Variants in SCUBE1 observed in about 807,000 individuals in gnomAD.
The protein encoded by SCUBE1 is signal peptide, CUB and EGF-like domain-containing protein 1.
SCUBE1 carries 59 observed loss-of-function variants against 124.4 expected under a neutral mutation model. The observed-to-expected ratio is 0.47, with a 90% CI of 0.38 to 0.59. The LOEUF (loss-of-function observed/expected upper bound fraction) is 0.59, where lower values mean the gene tolerates loss of function less well. Among genes scored for constraint, SCUBE1 ranks in the 20% least tolerant of loss-of-function variants. SCUBE1 has a pLI of 0.00. For missense variants in SCUBE1, 1,150 were observed against 1,371.2 expected (o/e 0.84, Z 2.55); for synonymous variants, 545 against 550.9 (o/e 0.99, Z 0.15).
chr22:43,258,034 C>T lies in SCUBE1; in HGVS notation c.727+185G>A, dbSNP rs1923727082. 6.6e-6 allele frequency among the ~76,000 whole-genome samples: 1 copy of T among 152,166 alleles called. No homozygotes were observed. The highest frequency in any genetic ancestry group is 1.9e-4 in the East Asian group (1 of 5,162). On this transcript the variant is annotated intron_variant, in intron 6 of 21. Coordinates refer to ENST00000360835, the MANE Select transcript of SCUBE1 (RefSeq NM_173050.5). The surrounding 1 kb of genome is among the most constrained non-coding windows in gnomAD (Gnocchi z 5.0). Reference sequence around the variant, plus strand: ...GGGGCTGCAGGCCCCAGAGAAGCCTCCCCAGAAAGCCTCCCCAGGGGCGCC... The same window carrying T: ...GGGGCTGCAGGCCCCAGAGAAGCCTTCCCAGAAAGCCTCCCCAGGGGCGCC...
At chr22:43,214,046 C>CGGGGGGGGGGGG in intron 16 of SCUBE1, 44 bp downstream of exon 16, 6 of 422,702 alleles carry the variant, frequency 1.4e-5, no homozygotes, top group Non-Finnish European at 2.5e-5. Context: ...GAGGAGCCCC[C>CGGGGGGGGGGGG]GCCCACCCCC....
chr22:43,339,341 G>A (rs757457874), intron 1 of SCUBE1, 106 bp from the exon 2 acceptor site: 12 of 1,133,618 alleles, frequency 1.1e-5, no homozygotes, highest in East Asian at 2.5e-5. Context: ...TCCATTGATC[G>A]GTGGGCTCAT....
chr22:43,321,815 G>T (rs951858732), intron 2 of SCUBE1, among the ~76,000 whole-genome samples: 44 of 152,188 alleles, frequency 2.9e-4, no homozygotes, highest in African/African-American at 9.9e-4. Flanking sequence ...TGGGCTCAAG[G>T]GATCCTCCTG....
chr22:43,288,939 C>G (rs1244693108), intron 4 of SCUBE1, among the ~76,000 whole-genome samples: 1 of 152,280 alleles, frequency 6.6e-6, no homozygotes, highest in African/African-American at 2.4e-5. Flanking sequence ...GTAGGGGACG[C>G]TAAGGTTTGT....
At chr22:43,229,934 A>G (rs1383529207) in intron 8 of SCUBE1, among the ~76,000 whole-genome samples, 1 of 152,216 alleles carries the variant, frequency 6.6e-6, no homozygotes, top group African/African-American at 2.4e-5. Flanking sequence ...ACAGACGCCA[A>G]CCTGCCCCTC....
At chr22:43,301,664 C>A (rs2146763671) in intron 3 of SCUBE1, among the ~76,000 whole-genome samples, 1 of 152,338 alleles carries the variant, frequency 6.6e-6, no homozygotes, top group African/African-American at 2.4e-5. Context: ...GAGCACGCCC[C>A]CACCCACCTG....
intron 4 of SCUBE1, among the ~76,000 whole-genome samples, chr22:43,265,713 C>T (rs570265703): frequency 6.6e-5 from 10 of 152,326 alleles, no homozygotes; most frequent in East Asian, 3.9e-4. Context: ...CTCTGATGGA[C>T]GTGTTTATGT....
chr22:43,319,187 G>C (rs535278436), intron 3 of SCUBE1, among the ~76,000 whole-genome samples: 101 of 152,296 alleles, frequency 6.6e-4, no homozygotes, highest in Non-Finnish European at 1.1e-3. Context: ...GGCCTTTAGA[G>C]AGATAATTAA....
intron 6 of SCUBE1, among the ~76,000 whole-genome samples, chr22:43,241,935 A>T (rs571944209): frequency 6.6e-6 from 1 of 151,694 alleles, no homozygotes; most frequent in South Asian, 2.1e-4. Context: ...GCCCGCCCTC[A>T]CCTCTTCCCG....
chr22:43,206,645 T>C (rs1229571047), intron 21 of SCUBE1, among the ~76,000 whole-genome samples: 1 of 80,830 alleles, frequency 1.2e-5, no homozygotes, highest in Non-Finnish European at 2.9e-5. Context: ...GGGAAAGAGG[T>C]GGGGGAAAGA....
At chr22:43,265,889 T>C (rs1479016888) in intron 4 of SCUBE1, among the ~76,000 whole-genome samples, 2 of 152,102 alleles carry the variant, frequency 1.3e-5, no homozygotes, top group Non-Finnish European at 2.9e-5. Flanking sequence ...TCACCTGAGG[T>C]CAGGAGCTCG....
At chr22:43,207,696 C>T (rs1921349143) in intron 20 of SCUBE1, 83 bp from the exon 21 acceptor site, 1 of 1,065,790 alleles carries the variant, frequency 9.4e-7, no homozygotes, top group African/African-American at 1.6e-5. Flanking sequence ...CCTCTGCCCT[C>T]CCTCCTGTGC....
intron 4 of SCUBE1, among the ~76,000 whole-genome samples, chr22:43,278,217 G>A (rs566621901): frequency 1.3e-5 from 2 of 152,394 alleles, no homozygotes; most frequent in East Asian, 3.9e-4. Context: ...AATCTCTCCA[G>A]TAAGCAAGGG....
At chr22:43,251,371 A>G (rs1306862920) in intron 6 of SCUBE1, among the ~76,000 whole-genome samples, 1 of 152,222 alleles carries the variant, frequency 6.6e-6, no homozygotes, top group African/African-American at 2.4e-5. Flanking sequence ...TGTTTTAGGC[A>G]GAATAATGCC....
intron 2 of SCUBE1, among the ~76,000 whole-genome samples, chr22:43,324,808 T>C (rs1470563831): frequency 6.6e-6 from 1 of 151,492 alleles, no homozygotes; most frequent in Non-Finnish European, 1.5e-5. Context: ...CACAGCTCTA[T>C]GGATGTTTAT....
rs1408272973 is a variant in SCUBE1, at chr22:43,287,123, G to A, written c.484+3923C>T. ...TTATTGGGCTAGGGCTGAGTGGGAG[G>A]TAGGGGGTGCTATCATGGGGCCAGA... On this transcript the variant is annotated intron_variant, in intron 4 of 21. Coordinates refer to ENST00000360835, the MANE Select transcript of SCUBE1 (RefSeq NM_173050.5). Among the ~76,000 whole-genome samples the A allele has an allele frequency of 2.6e-5, 4 of 152,200 alleles. No homozygotes were observed. In the East Asian group the frequency reaches 5.8e-4, roughly 22 times the overall value.
intron 6 of SCUBE1, among the ~76,000 whole-genome samples, chr22:43,254,871 C>A (rs1345289860): frequency 2.6e-5 from 4 of 152,256 alleles, no homozygotes; most frequent in Non-Finnish European, 5.9e-5. Flanking sequence ...CCTCTTCCTT[C>A]TCGTTCTCCT....
chr22:43,260,256 C>T (rs1427938243), intron 5 of SCUBE1, among the ~76,000 whole-genome samples: 2 of 152,232 alleles, frequency 1.3e-5, no homozygotes, highest in East Asian at 3.8e-4. Context: ...CTCAGGGACC[C>T]TTGTTCCCTC....
At chr22:43,285,533 G>C (rs1925104761) in intron 4 of SCUBE1, among the ~76,000 whole-genome samples, 1 of 152,190 alleles carries the variant, frequency 6.6e-6, no homozygotes, top group African/African-American at 2.4e-5. Flanking sequence ...AACAATAGGG[G>C]GCGGGGGACA....
Sources: gnomAD v4.1 joint callset for allele counts (sites outside exome capture counted in the v4.1 genomes callset) on GRCh38, gnomAD v4.1.1 for gene constraint, Gnocchi (gnomAD v3.1) non-coding constraint, MANE v1.5 for transcripts, NCBI Gene and HGNC (gene_info 2026-07-23, HGNC 2026-07-21) for gene names.